The following ALCAM variants were observed in gnomAD, a reference collection of about 807,000 sequenced individuals.
The protein encoded by ALCAM is CD166 antigen.
Under a neutral mutation model 70.9 loss-of-function variants are expected in ALCAM, and 30 were observed. The observed-to-expected ratio is 0.42, with a 90% confidence interval of 0.32 to 0.57. ALCAM has a LOEUF of 0.57. ALCAM is among the 20% of genes least tolerant of loss of function. ALCAM has a pLI of 0.11. For synonymous variants in ALCAM, 249 were observed against 242.5 expected (o/e 1.03, Z -0.25); for missense variants, 591 against 695.1 (o/e 0.85, Z 1.68).
At chr3:105,489,535 T>C (rs546319166) in intron 1 of ALCAM, among the ~76,000 whole-genome samples, 1 of 152,334 alleles carries the variant, frequency 6.6e-6, no homozygotes, top group African/African-American at 2.4e-5. Context: ...TAGGATAGAT[T>C]ATATTCAACA....
At chr3:105,493,320 A>G (rs2152612167) in intron 1 of ALCAM, among the ~76,000 whole-genome samples, 1 of 152,308 alleles carries the variant, frequency 6.6e-6, no homozygotes, top group Middle Eastern at 3.4e-3. Context: ...GATAATAATA[A>G]TAATCACATT....
intron 1 of ALCAM, among the ~76,000 whole-genome samples, chr3:105,504,155 CA>C (rs758052851): frequency 6.6e-6 from 1 of 152,188 alleles, no homozygotes. Context: ...GGGCATGCGA[CA>C]GGGGTAGTGG....
chr3:105,542,229 A>C (rs1211955695), intron 8 of ALCAM, among the ~76,000 whole-genome samples: 3 of 151,840 alleles, frequency 2.0e-5, no homozygotes, highest in Non-Finnish European at 4.4e-5. Flanking sequence ...AGATCATTAG[A>C]AGTTATTTAT....
intron 1 of ALCAM, among the ~76,000 whole-genome samples, chr3:105,433,817 C>T (rs1246965528): frequency 6.7e-6 from 1 of 149,572 alleles, no homozygotes; most frequent in Non-Finnish European, 1.5e-5. Context: ...GGATTATAGA[C>T]AGTGCATTTA....
intron 1 of ALCAM, among the ~76,000 whole-genome samples, chr3:105,434,457 A>G (rs1937006697): frequency 6.6e-6 from 1 of 151,986 alleles, no homozygotes; most frequent in Non-Finnish European, 1.5e-5. Flanking sequence ...GTTTCTTTTA[A>G]ATTAGATTTT....
intron 1 of ALCAM, among the ~76,000 whole-genome samples, chr3:105,478,752 A>G (rs1236283291): frequency 2.0e-5 from 3 of 152,196 alleles, no homozygotes; most frequent in Non-Finnish European, 4.4e-5. Flanking sequence ...CACTTTGTAT[A>G]CATTTATAAT....
chr3:105,509,015 G>A (rs1939161553), intron 1 of ALCAM, among the ~76,000 whole-genome samples: 1 of 152,076 alleles, frequency 6.6e-6, no homozygotes, highest in African/African-American at 2.4e-5. Context: ...ATGTTCTCCA[G>A]GTTCCTCTGT....
At chr3:105,437,265 C>T (rs1035531787) in intron 1 of ALCAM, among the ~76,000 whole-genome samples, 5 of 152,122 alleles carry the variant, frequency 3.3e-5, no homozygotes, top group Admixed American at 1.3e-4. Flanking sequence ...TTACTTACAA[C>T]TGATTGTTGC....
At chr3:105,492,218 A>G (rs1938607090) in intron 1 of ALCAM, among the ~76,000 whole-genome samples, 1 of 152,168 alleles carries the variant, frequency 6.6e-6, no homozygotes, top group Non-Finnish European at 1.5e-5. Flanking sequence ...CTATCACAAG[A>G]ACAGCAGTAT....
At chr3:105,436,298 A>G (rs1165298662) in intron 1 of ALCAM, among the ~76,000 whole-genome samples, 1 of 152,106 alleles carries the variant, frequency 6.6e-6, no homozygotes, top group African/African-American at 2.4e-5. Flanking sequence ...AGGGATTAAA[A>G]TCCATCCATT....
intron 1 of ALCAM, among the ~76,000 whole-genome samples, chr3:105,448,401 C>T (rs1473755885): frequency 3.8e-5 from 3 of 78,650 alleles, no homozygotes; most frequent in Non-Finnish European, 7.6e-5. Flanking sequence ...TTGTAGTCTC[C>T]ATTAAAAAAA....
chr3:105,456,922 T>TA (rs988503880), intron 1 of ALCAM, among the ~76,000 whole-genome samples: 1 of 152,210 alleles, frequency 6.6e-6, no homozygotes. Context: ...CAGAAGATTT[T>TA]AAATTAATGT....
intron 1 of ALCAM, among the ~76,000 whole-genome samples, chr3:105,491,047 CCTCTGAAAT>C (rs1357590211): frequency 1.3e-5 from 2 of 152,224 alleles, no homozygotes; most frequent in Non-Finnish European, 2.9e-5. Context: ...TTCCATATAT[CCTCTGAAAT>C]CTAGGCAGAG....
chr3:105,435,732 T>C (rs1478998983), intron 1 of ALCAM, among the ~76,000 whole-genome samples: 1 of 152,244 alleles, frequency 6.6e-6, no homozygotes, highest in Non-Finnish European at 1.5e-5. Context: ...TAGTCCATTT[T>C]TATGCTGTTG....
At chr3:105,521,777 G>A (rs544548972) in intron 2 of ALCAM, among the ~76,000 whole-genome samples, 15 of 152,304 alleles carry the variant, frequency 9.8e-5, no homozygotes, top group African/African-American at 3.4e-4. Flanking sequence ...TACTATGCTC[G>A]TGTGAGTGGG....
intron 1 of ALCAM, among the ~76,000 whole-genome samples, chr3:105,503,217 G>A (rs926340502): frequency 1.3e-5 from 2 of 152,142 alleles, no homozygotes; most frequent in Non-Finnish European, 2.9e-5. Context: ...ATTTGCTTTG[G>A]ACTCTTCTAC....
At chr3:105,380,341 G>C (rs1054628640) in intron 1 of ALCAM, among the ~76,000 whole-genome samples, 4 of 151,726 alleles carry the variant, frequency 2.6e-5, no homozygotes, top group Non-Finnish European at 5.9e-5. Flanking sequence ...CCACTAACAT[G>C]GTTAAAAAAT....
Position 105,571,944 on chromosome 3 carries a change from G to T in ALCAM, c.*5G>T. 1 of 1,606,014 alleles carries T rather than the reference G, an allele frequency of 6.2e-7. No individual in the cohort carries two copies. The highest frequency in any genetic ancestry group is 1.1e-5 in the South Asian group (1 of 90,704). On this transcript the variant is annotated 3_prime_UTR_variant, in exon 15 of 16. Transcript: ENST00000306107. ...AATCACAAAACTGAAGCCTAAGAGAGAAACTGTCCTAGTTGTCCAGGTGAG... is the reference window on the plus strand; with the variant it reads ...AATCACAAAACTGAAGCCTAAGAGATAAACTGTCCTAGTTGTCCAGGTGAG...
At chr3:105,468,357 G>T (rs1937810898) in intron 1 of ALCAM, among the ~76,000 whole-genome samples, 1 of 151,296 alleles carries the variant, frequency 6.6e-6, no homozygotes, top group Admixed American at 6.6e-5. Flanking sequence ...CAATAGTAAG[G>T]CTGAGATCTG....
Sources: allele counts gnomAD v4.1 joint callset (sites outside exome capture counted in the v4.1 genomes callset), GRCh38; gene constraint gnomAD v4.1.1; transcripts MANE v1.5; gene names NCBI Gene and HGNC (gene_info 2026-07-23, HGNC 2026-07-21).